Variants in SLC24A3 observed in about 807,000 individuals in gnomAD.
SLC24A3 encodes sodium/potassium/calcium exchanger 3.
SLC24A3 carries 28 observed loss-of-function variants against 75.8 expected under a neutral mutation model. The observed-to-expected ratio is 0.37, with a 90% CI of 0.27 to 0.51. The LOEUF is 0.51. SLC24A3 is among the 20% of genes least tolerant of loss of function. SLC24A3 has a pLI of 0.94. For missense variants in SLC24A3, 663 were observed against 847.8 expected (o/e 0.78, Z 2.71); for synonymous variants, 372 against 334.1 (o/e 1.11, Z -1.24).
At chr20:19,565,410 T>TG (rs1415314605) in intron 3 of SLC24A3, among the ~76,000 whole-genome samples, 5 of 77,052 alleles carry the variant, frequency 6.5e-5, no homozygotes, top group East Asian at 3.8e-4. Flanking sequence ...TCTCGGGGGG[T>TG]GGGGGGTCAA....
At position 19,693,383 on chromosome 20, in the gene SLC24A3, C is replaced by A. The variant is rs1363014328; in HGVS notation, c.1449C>A (p.Ser483=). The A allele has an allele frequency of 1.2e-6, 2 of 1,614,016 alleles. No homozygotes were observed. The highest frequency in any genetic ancestry group is 2.7e-5 in the African/African-American group (2 of 74,906). The change falls in exon 13 of 17, where the codon TCC becomes TCA. Residue 483 remains serine, a synonymous_variant. Coordinates refer to ENST00000328041, the MANE Select transcript of SLC24A3 (RefSeq NM_020689.4). ...GGTTCATGGTGACGTTTGCTTCCTC[C>A]ACGCTGTGGATCGCAGCCTTCTCCT... is the stretch of plus-strand genomic sequence containing the variant. ...EKWFMVTFAS[S]TLWIAAFSYM... is the part of the protein sequence containing the mutation.
Position 19,280,015 on chromosome 20 carries a change from T to C in SLC24A3, c.143-944T>C, listed in dbSNP as rs1219898450. Among the ~76,000 whole-genome samples, 6 of 152,120 alleles carry C rather than the reference T, an allele frequency of 3.9e-5. 1 individual carries two copies. The highest frequency in any genetic ancestry group is 3.9e-4 in the Admixed American group (6 of 15,276). On this transcript the variant is annotated intron_variant, in intron 1 of 16. Transcript: ENST00000328041. Reference sequence around the variant, plus strand: ...TGGGTCAAGGAGAAATGCTTTGTGGTACTGTAATCTTAATGCTCAGGAAGA... The same window carrying C: ...TGGGTCAAGGAGAAATGCTTTGTGGCACTGTAATCTTAATGCTCAGGAAGA...
At chr20:19,528,317 C>T (rs1281548011) in intron 3 of SLC24A3, among the ~76,000 whole-genome samples, 1 of 152,164 alleles carries the variant, frequency 6.6e-6, no homozygotes, top group Non-Finnish European at 1.5e-5. Context: ...AGCGCTCCCA[C>T]TCACCATAAG....
chr20:19,482,392 A>G (rs1600247785), intron 2 of SLC24A3, among the ~76,000 whole-genome samples: 1 of 151,992 alleles, frequency 6.6e-6, no homozygotes, highest in Non-Finnish European at 1.5e-5. Flanking sequence ...ACATCTCCCT[A>G]CTTTACTCCA....
chr20:19,474,379 G>A (rs1344374053), intron 2 of SLC24A3, among the ~76,000 whole-genome samples: 1 of 152,166 alleles, frequency 6.6e-6, no homozygotes, highest in Non-Finnish European at 1.5e-5. Flanking sequence ...AAATCTGATA[G>A]CGAGCACCTG....
intron 15 of SLC24A3, among the ~76,000 whole-genome samples, chr20:19,705,667 T>C (rs2032922799): frequency 6.6e-6 from 1 of 152,130 alleles, no homozygotes; most frequent in Non-Finnish European, 1.5e-5. Context: ...TTAATGGCCC[T>C]CCTAACCTCA....
intron 6 of SLC24A3, among the ~76,000 whole-genome samples, chr20:19,619,688 T>G (rs112239910): frequency 1.3e-3 from 191 of 152,310 alleles, no homozygotes; most frequent in African/African-American, 4.5e-3. Context: ...CTCCCTTTGG[T>G]GCATTGGGTT....
At chr20:19,288,997 G>A (rs1378061049) in intron 2 of SLC24A3, among the ~76,000 whole-genome samples, 2 of 152,188 alleles carry the variant, frequency 1.3e-5, no homozygotes, top group African/African-American at 4.8e-5. Flanking sequence ...GTTTGCTGCT[G>A]CCCCTGGTTC....
chr20:19,481,497 T>G (rs1988053167), intron 2 of SLC24A3, among the ~76,000 whole-genome samples: 1 of 152,120 alleles, frequency 6.6e-6, no homozygotes, highest in Non-Finnish European at 1.5e-5. Flanking sequence ...ATCCCATGAA[T>G]AGGAGAAGAA....
chr20:19,582,053 TG>T (rs2031225538), intron 4 of SLC24A3, among the ~76,000 whole-genome samples: 2 of 152,308 alleles, frequency 1.3e-5, no homozygotes, highest in South Asian at 4.2e-4. Context: ...CCTTAATTGC[TG>T]GGGAAACATT....
chr20:19,634,620 A>G (rs897261852), intron 6 of SLC24A3, among the ~76,000 whole-genome samples: 16 of 152,258 alleles, frequency 1.1e-4, no homozygotes, highest in Non-Finnish European at 2.2e-4. Flanking sequence ...AAGCTCAAAA[A>G]TATGCTGAGT....
intron 2 of SLC24A3, among the ~76,000 whole-genome samples, chr20:19,288,127 T>C (rs1983857327): frequency 6.6e-6 from 1 of 152,228 alleles, no homozygotes; most frequent in Non-Finnish European, 1.5e-5. Context: ...AAGATTGTTT[T>C]AATGATGAAT....
At chr20:19,463,542 G>A (rs8117873) in intron 2 of SLC24A3, among the ~76,000 whole-genome samples, 2,347 of 152,312 alleles carry the variant, frequency 0.015, 60 homozygotes, top group African/African-American at 0.054. Flanking sequence ...TGCAGAGCAT[G>A]AATTTGAGGT....
At position 19,452,376 on chromosome 20, in the gene SLC24A3, ATGTGTGTG is replaced by A. The variant is rs34840970; in HGVS notation, c.272-63070_272-63063del. Among the ~76,000 whole-genome samples the A allele has an allele frequency of 2.0e-3, 221 of 113,068 alleles. 2 individuals are homozygous for A. The highest frequency in any genetic ancestry group is 3.8e-3 in the African/African-American group (123 of 32,006). The allele number at this position is 113,068 out of a possible 152,430, so 74.2% of individuals were successfully genotyped here. The stretch of plus-strand genomic sequence containing the variant: ...TGGTCAATGTGGGATCCTGTGGGGG[ATGTGTGTG>A]TGTGTGTGTGTGTGTGTGTGTGTGT... On this transcript the variant is annotated intron_variant, in intron 2 of 16. Coordinates refer to ENST00000328041, the MANE Select transcript of SLC24A3 (RefSeq NM_020689.4).
chr20:19,453,381 G>A (rs2143503), intron 2 of SLC24A3, among the ~76,000 whole-genome samples: 21,499 of 152,030 alleles, frequency 0.14, 3,910 homozygotes, highest in African/African-American at 0.42. Flanking sequence ...TTATGGCTTT[G>A]GTGGGAGGAT....
In SLC24A3 at chr20:19,653,467, G is replaced by A. The variant is rs151227844; in HGVS notation, c.613-595G>A. On this transcript the variant is annotated intron_variant, in intron 6 of 16. Coordinates refer to ENST00000328041, the MANE Select transcript of SLC24A3 (RefSeq NM_020689.4). Reference sequence around the variant, plus strand: ...CATATAATAGAGATGAGGGAAGAAGGTCTGGCAGAGACAGGCTTGTCCACA... The same window carrying A: ...CATATAATAGAGATGAGGGAAGAAGATCTGGCAGAGACAGGCTTGTCCACA... 3.5e-3 allele frequency among the ~76,000 whole-genome samples: 531 copies of A among 152,324 alleles called. 4 individuals are homozygous for A. Among genetic ancestry groups the A allele is most frequent in the African/African-American group, 0.012 (480 of 41,578 alleles).
At chr20:19,522,955 A>AAATACATAT (rs1333438063) in intron 3 of SLC24A3, among the ~76,000 whole-genome samples, 1 of 152,140 alleles carries the variant, frequency 6.6e-6, no homozygotes, top group Non-Finnish European at 1.5e-5. Flanking sequence ...ACCAATTTTG[A>AAATACATAT]AATACATATT....
At chr20:19,555,930 A>G (rs2030775811) in intron 3 of SLC24A3, among the ~76,000 whole-genome samples, 1 of 152,200 alleles carries the variant, frequency 6.6e-6, no homozygotes, top group African/African-American at 2.4e-5. Context: ...CTAGTGCCTT[A>G]TAAACCACAG....
intron 6 of SLC24A3, among the ~76,000 whole-genome samples, chr20:19,632,880 A>G (rs1444999460): frequency 1.3e-5 from 2 of 152,250 alleles, no homozygotes; most frequent in Admixed American, 6.5e-5. Context: ...CAAGAACTGG[A>G]CCATGTAGAC....
Sources: allele counts gnomAD v4.1 joint callset (sites outside exome capture counted in the v4.1 genomes callset), GRCh38; gene constraint gnomAD v4.1.1; transcripts MANE v1.5; gene names NCBI Gene and HGNC (gene_info 2026-07-23, HGNC 2026-07-21).